Variants in SNAPC4 observed in about 807,000 individuals in gnomAD.
SNAPC4 encodes the protein small nuclear RNA activating complex polypeptide 4.
A neutral mutation model predicts 151.3 loss-of-function variants in SNAPC4; 127 were observed. The observed-to-expected ratio is 0.84, with a 90% CI of 0.73 to 0.97. The LOEUF (loss-of-function observed/expected upper bound fraction) is 0.97, where lower values mean the gene tolerates loss of function less well. Among genes scored for constraint, SNAPC4 ranks in the 50% least tolerant of loss-of-function variants. SNAPC4 has a pLI of 0.00. For missense variants in SNAPC4, 2,186 were observed against 1,935.0 expected (o/e 1.13, Z -2.43); for synonymous variants, 1,002 against 824.4 (o/e 1.22, Z -3.69).
At chr9:136,385,260 G>A (rs2131480750) in intron 13 of SNAPC4, among the ~76,000 whole-genome samples, 1 of 152,310 alleles carries the variant, frequency 6.6e-6, no homozygotes, top group Middle Eastern at 3.4e-3. Context: ...CGCTAAGATG[G>A]CTAGAATCAC....
intron 22 of SNAPC4, among the ~76,000 whole-genome samples, chr9:136,377,265 GCCAC>G (rs1833482203): frequency 6.6e-6 from 1 of 152,178 alleles, no homozygotes; most frequent in South Asian, 2.1e-4. Flanking sequence ...CTCAGACAAG[GCCAC>G]CTGGCTGGGC....
intron 10 of SNAPC4, among the ~76,000 whole-genome samples, chr9:136,389,479 C>A (rs929309907): frequency 2.0e-5 from 3 of 152,182 alleles, no homozygotes; most frequent in African/African-American, 7.2e-5. Context: ...CCCACCAAGT[C>A]CTTCCCAGCT....
intron 20 of SNAPC4, among the ~76,000 whole-genome samples, 158 bp from the exon 21 acceptor site, chr9:136,380,022 G>C (rs952060956): frequency 1.3e-5 from 2 of 152,324 alleles, no homozygotes; most frequent in African/African-American, 4.8e-5. Flanking sequence ...GAACTCCGGG[G>C]CCACAGAAGG....
At chr9:136,388,627 T>A in intron 10 of SNAPC4, 36 bp from the exon 11 acceptor site, 10 of 1,612,628 alleles carry the variant, frequency 6.2e-6, no homozygotes, top group Non-Finnish European at 8.5e-6. Flanking sequence ...TGAGTGTTAC[T>A]GCGCGGCAGG....
chr9:136,388,325 G>A (rs939083527), intron 11 of SNAPC4, 119 bp downstream of exon 11: 12 of 996,706 alleles, frequency 1.2e-5, no homozygotes, highest in African/African-American at 3.3e-5. Flanking sequence ...GGAACAGCCA[G>A]GACTGTCTAA....
At chr9:136,393,017 G>C (rs767431257) in intron 7 of SNAPC4, among the ~76,000 whole-genome samples, 2 of 152,226 alleles carry the variant, frequency 1.3e-5, no homozygotes, top group Non-Finnish European at 2.9e-5. Flanking sequence ...TGGCCCCCGT[G>C]TCTCAGAGCC....
Position 136,379,870 on chromosome 9 carries a change from A to T in SNAPC4, c.2500-6T>A. 2 of 1,612,622 alleles carry T rather than the reference A, an allele frequency of 1.2e-6. No individual in the cohort carries two copies. The highest frequency in any genetic ancestry group is 4.5e-5 in the East Asian group (2 of 44,830). On this transcript the variant is annotated splice_region_variant and splice_polypyrimidine_tract_variant and intron_variant, in intron 20 of 23. Transcript: ENST00000684778. ...CTCTGGGCACTTGAGGATGCCTGGA[A>T]ATGAAAGAGAGGAGAGTCAGCAGCT...
chr9:136,388,094 C>G (rs1833950555), intron 11 of SNAPC4, among the ~76,000 whole-genome samples: 1 of 152,026 alleles, frequency 6.6e-6, no homozygotes, highest in African/African-American at 2.4e-5. Flanking sequence ...ATGGTGAAAC[C>G]CCGTCTCTAC....
At chr9:136,394,167 G>T in intron 7 of SNAPC4, 82 bp downstream of exon 7, 1 of 1,101,242 alleles carries the variant, frequency 9.1e-7, no homozygotes, top group Non-Finnish European at 1.4e-6. Context: ...CTCCTGCCTT[G>T]GCCTCCCAAA....
At position 136,392,695 on chromosome 9, in the gene SNAPC4, C is replaced by T. The variant is rs138968321; in HGVS notation, c.715G>A (p.Glu239Lys). Residue 239 changes from glutamate (E) to lysine (K), a missense_variant, in exon 8 of 24, where the codon GAG becomes AAG. Physicochemically the swap from Glu to Lys is moderately conservative, Grantham distance 56 (BLOSUM62 1). Coordinates refer to ENST00000684778, the MANE Select transcript of SNAPC4 (RefSeq NM_003086.4). The stretch of plus-strand genomic sequence containing the variant: ...CACTTGATGTCCTGGATCTCCTTCT[C>T]GGCTTCCCTGCCCTGCTTCTCCAGG... ...QALEKQGREA[E>K]KEIQDINQLP... The T allele has an allele frequency of 2.5e-5, 41 of 1,613,664 alleles. No homozygotes were observed. Among genetic ancestry groups the T allele is most frequent in the African/African-American group, 8.0e-5 (6 of 74,940 alleles).
intron 20 of SNAPC4, among the ~76,000 whole-genome samples, chr9:136,380,432 G>A (rs1260979642): frequency 6.6e-6 from 1 of 152,234 alleles, no homozygotes; most frequent in African/African-American, 2.4e-5. Context: ...CTGAACTTCT[G>A]TGAGTTTGGT....
At position 136,383,564 on chromosome 9, in the gene SNAPC4, G is replaced by GCTCCCTCCA. The variant is rs1446173257; in HGVS notation, c.1604_1605insTGGAGGGAG (p.Ser535_Ser536insGlyGlySer). ...CCTCGCTGCTGCTGCTGCTGCTGCT[G>GCTCCCTCCA]CTGCTCCCTCCACTGCTGCCACTGC... On this transcript the variant is annotated inframe_insertion, in exon 16 of 24. Coordinates refer to ENST00000684778, the MANE Select transcript of SNAPC4 (RefSeq NM_003086.4). The surrounding 1 kb of genome is among the most constrained non-coding windows in gnomAD (Gnocchi z 4.2). 6.2e-7 allele frequency: 1 copy of GCTCCCTCCA among 1,607,226 alleles called. No individual in the cohort carries two copies. Among genetic ancestry groups the GCTCCCTCCA allele is most frequent in the Admixed American group, 1.7e-5 (1 of 59,334 alleles).
intron 11 of SNAPC4, among the ~76,000 whole-genome samples, chr9:136,388,238 T>C (rs1290811532): frequency 7.1e-6 from 1 of 140,664 alleles, no homozygotes; most frequent in Non-Finnish European, 1.5e-5. Context: ...TTGCACTCCA[T>C]CCTGGGCAAC....
At chr9:136,396,193 T>C (rs577581360) in intron 3 of SNAPC4, among the ~76,000 whole-genome samples, 207 of 152,260 alleles carry the variant, frequency 1.4e-3, no homozygotes, top group African/African-American at 4.9e-3. Context: ...GTGGACGCAG[T>C]GAAAATGCCC....
At position 136,378,011 on chromosome 9, in the gene SNAPC4, G is replaced by T; in HGVS notation, c.3816C>A (p.Gly1272=). 1 of 1,597,184 alleles carries T rather than the reference G, an allele frequency of 6.3e-7. No homozygotes were observed. Residue 1272 remains glycine, a synonymous_variant, in exon 22 of 24, where the codon GGC becomes GGA. Transcript: ENST00000684778. The part of the protein sequence containing the change: ...PGPEKGALDL[G]LLSQEGEAAT... ...CCGCCTCGCCCTCCTGGGACAGCAG[G>T]CCCAGGTCCAGGGCCCCCTTCTCAG...
At chr9:136,387,340 G>C in intron 13 of SNAPC4, 145 bp downstream of exon 13, 1 of 702,160 alleles carries the variant, frequency 1.4e-6, no homozygotes, top group Non-Finnish European at 2.6e-6. Flanking sequence ...GCCCACACCA[G>C]AGTGCACCTG....
intron 10 of SNAPC4, among the ~76,000 whole-genome samples, chr9:136,390,554 GAAAA>G (rs58732608): frequency 2.0e-4 from 10 of 48,802 alleles, no homozygotes; most frequent in Non-Finnish European, 3.1e-4. Flanking sequence ...GACTCTGTTT[GAAAA>G]AAAAAAAAAA....
Position 136,391,996 on chromosome 9 carries a change from C to T in SNAPC4, c.921G>A (p.Ala307=), listed in dbSNP as rs746122865. The part of the protein sequence containing the change: ...WSREEEERLQ[A]IAAAHGHLEW... The stretch of plus-strand genomic sequence containing the variant: ...CCAGGTGGCCGTGTGCAGCCGCGAT[C>T]GCCTGCAGCCGCTCCTCCTCCTCCC... Residue 307 remains alanine (A), a synonymous_variant, in exon 10 of 24, where the codon GCG becomes GCA. Transcript: ENST00000684778. 2.6e-5 allele frequency: 42 copies of T among 1,609,716 alleles called. No homozygotes were observed. The highest frequency in any genetic ancestry group is 5.5e-5 in the South Asian group (5 of 91,080).
At position 136,379,013 on chromosome 9, in the gene SNAPC4, G is replaced by A. The variant is rs770445937; in HGVS notation, c.2814C>T (p.His938=). The change falls in exon 22 of 24, where the codon CAC becomes CAT. Residue 938 remains histidine (H), a synonymous_variant. Coordinates refer to ENST00000684778, the MANE Select transcript of SNAPC4 (RefSeq NM_003086.4). ...CGGTGGGACCCGGGGCTGGGCGGCC[G>A]TGTGGGGTGTGTGGTAGAGGGGGCT... The part of the protein sequence containing the change: ...ILQPPLPHTP[H]GRPAPGPTVL... The A allele has an allele frequency of 6.0e-5, 96 of 1,603,380 alleles. 2 individuals carry two copies. In the South Asian group the frequency reaches 6.3e-4, roughly 10 times the overall value.
Sources: gnomAD v4.1 joint callset for allele counts (sites outside exome capture counted in the v4.1 genomes callset) on GRCh38, gnomAD v4.1.1 for gene constraint, Gnocchi (gnomAD v3.1) non-coding constraint, MANE v1.5 for transcripts, NCBI Gene and HGNC (gene_info 2026-07-23, HGNC 2026-07-21) for gene names.